The following CDH12 variants were observed in gnomAD, a reference collection of about 807,000 sequenced individuals.
CDH12 encodes cadherin-12.
A neutral mutation model predicts 74.1 loss-of-function variants in CDH12; 41 were observed. That is an observed-to-expected ratio of 0.55 (90% CI 0.43 to 0.72). The LOEUF is 0.72. Ranked by LOEUF, CDH12 falls within the 30% of genes least tolerant of loss-of-function variation. CDH12 has a pLI of 0.00. For missense variants in CDH12, 945 were observed against 977.2 expected (o/e 0.97, Z 0.44); for synonymous variants, 399 against 355.0 (o/e 1.12, Z -1.39).
rs912365915 is a variant in CDH12, at chr5:22,130,956, G to A, written c.-186-52094C>T. ...CATACATGTGCATTATTTTGTTTCT[G>A]TCTTCTTTATCTCAGCATCTTGTTT... On this transcript the variant is annotated intron_variant, in intron 4 of 14. Transcript: ENST00000382254. Among the ~76,000 whole-genome samples the A allele has an allele frequency of 9.2e-5, 14 of 151,724 alleles. 1 individual carries two copies. The highest frequency in any genetic ancestry group is 3.1e-4 in the African/African-American group (13 of 41,418).
chr5:22,704,273 G>A (rs930433970), intron 1 of CDH12, among the ~76,000 whole-genome samples: 1 of 152,128 alleles, frequency 6.6e-6, no homozygotes, highest in African/African-American at 2.4e-5. Flanking sequence ...GCTAAGATGT[G>A]TAGAGCAGTG....
intron 1 of CDH12, among the ~76,000 whole-genome samples, chr5:22,614,870 G>C (rs1027938239): frequency 1.3e-5 from 2 of 151,874 alleles, no homozygotes; most frequent in Non-Finnish European, 2.9e-5. Context: ...TCACACTGTC[G>C]TACTGTGACA....
intron 3 of CDH12, among the ~76,000 whole-genome samples, chr5:22,369,728 TAAATTTGAAGAGTA>T (rs1210359450): frequency 6.6e-6 from 1 of 152,210 alleles, no homozygotes; most frequent in Admixed American, 6.5e-5. Flanking sequence ...AGCAATTTGC[TAAATTTGAAGAGTA>T]AAATTTACAG....
intron 1 of CDH12, among the ~76,000 whole-genome samples, chr5:22,819,416 C>A (rs1749556112): frequency 6.6e-6 from 1 of 151,906 alleles, no homozygotes; most frequent in South Asian, 2.1e-4. Context: ...AGGCACCCTT[C>A]ATATATATTT....
chr5:22,146,140 G>A (rs1248738366), intron 4 of CDH12, among the ~76,000 whole-genome samples: 2 of 151,956 alleles, frequency 1.3e-5, no homozygotes, highest in South Asian at 4.1e-4. Context: ...AGTTAATGAG[G>A]TGTGTGAAAA....
chr5:22,192,941 A>AT (rs1460919922), intron 4 of CDH12, among the ~76,000 whole-genome samples: 1 of 152,224 alleles, frequency 6.6e-6, no homozygotes, highest in Non-Finnish European at 1.5e-5. Flanking sequence ...TGTACTTAAA[A>AT]GAGGTGCAGT....
chr5:22,633,499 A>G (rs1738684901), intron 1 of CDH12, among the ~76,000 whole-genome samples: 1 of 152,202 alleles, frequency 6.6e-6, no homozygotes, highest in African/African-American at 2.4e-5. Context: ...GAGTGTGTCT[A>G]TGAGGGTGCA....
intron 2 of CDH12, among the ~76,000 whole-genome samples, chr5:22,501,084 GA>G (rs981656558): frequency 8.3e-4 from 120 of 145,298 alleles, no homozygotes; most frequent in Non-Finnish European, 1.5e-3. Flanking sequence ...AAGGCAGAAA[GA>G]AAAAAAAAAG....
intron 3 of CDH12, among the ~76,000 whole-genome samples, chr5:22,297,289 G>C (rs1036545752): frequency 1.3e-5 from 2 of 152,066 alleles, no homozygotes; most frequent in Non-Finnish European, 2.9e-5. Flanking sequence ...CCAAAGTGCT[G>C]GGATAACAGG....
intron 6 of CDH12, among the ~76,000 whole-genome samples, chr5:21,880,671 C>CTTTCTTT (rs1561268799): frequency 2.7e-4 from 33 of 120,314 alleles, no homozygotes; most frequent in Non-Finnish European, 4.8e-4. Flanking sequence ...TTCTTTCTTT[C>CTTTCTTT]TTTCTTTCTT....
chr5:22,669,442 T>C (rs1275876302), intron 1 of CDH12, among the ~76,000 whole-genome samples: 1 of 152,138 alleles, frequency 6.6e-6, no homozygotes. Flanking sequence ...ATCCAATACA[T>C]ATTCTCCCCT....
Position 22,457,961 on chromosome 5 carries a change from T to A in CDH12, c.-428+47309A>T, listed in dbSNP as rs569744776. ...GGTTTCACCACCTTGGCCAGGCTGG[T>A]CTCGAACTCCTGACCTCATGATCCA... On this transcript the variant is annotated intron_variant, in intron 2 of 14. Transcript: ENST00000382254. Among the ~76,000 whole-genome samples the A allele has an allele frequency of 5.3e-5, 8 of 152,210 alleles. No homozygotes were observed. The East Asian group carries it at 1.5e-3, about 29-fold the overall frequency.
chr5:22,594,874 T>C lies in CDH12; in HGVS notation c.-522-89510A>G, dbSNP rs141270719. Among the ~76,000 whole-genome samples the C allele has an allele frequency of 2.4e-3, 358 of 152,322 alleles. 3 individuals are homozygous for C. Among genetic ancestry groups the C allele is most frequent in the African/African-American group, 8.2e-3 (340 of 41,572 alleles). On this transcript the variant is annotated intron_variant, in intron 1 of 14. Transcript: ENST00000382254. ...TTTCAGAAATTTAGTGCAAAATGTA[T>C]GCTTCTATTAGCCTTCCTTCAATTA...
intron 5 of CDH12, among the ~76,000 whole-genome samples, chr5:22,053,792 C>T (rs959594919): frequency 3.9e-5 from 6 of 152,200 alleles, no homozygotes; most frequent in African/African-American, 1.2e-4. Flanking sequence ...TCTTACCCTA[C>T]CTTTAACGGG....
At chr5:21,858,178 G>A (rs1395663608) in intron 6 of CDH12, among the ~76,000 whole-genome samples, 1 of 151,802 alleles carries the variant, frequency 6.6e-6, no homozygotes, top group Non-Finnish European at 1.5e-5. Flanking sequence ...ATTCAAGTCA[G>A]TTCATAACAT....
At chr5:22,626,140 C>G (rs1002870850) in intron 1 of CDH12, among the ~76,000 whole-genome samples, 1 of 152,042 alleles carries the variant, frequency 6.6e-6, no homozygotes, top group Non-Finnish European at 1.5e-5. Context: ...GGCACCCTAC[C>G]CCCCCCAACA....
At chr5:22,610,405 C>T (rs1180312703) in intron 1 of CDH12, among the ~76,000 whole-genome samples, 1 of 152,032 alleles carries the variant, frequency 6.6e-6, no homozygotes, top group Non-Finnish European at 1.5e-5. Context: ...ATAAAATATT[C>T]AATTAACATG....
chr5:22,315,461 T>C (rs1738592546), intron 3 of CDH12, among the ~76,000 whole-genome samples: 1 of 151,990 alleles, frequency 6.6e-6, no homozygotes. Flanking sequence ...CTTATATAGA[T>C]TGGAAGTGAA....
chr5:22,700,564 T>C (rs1316778449), intron 1 of CDH12, among the ~76,000 whole-genome samples: 1 of 152,222 alleles, frequency 6.6e-6, no homozygotes, highest in Non-Finnish European at 1.5e-5. Flanking sequence ...AAGTTTCTTA[T>C]CGCCTAAGCA....
Sources: allele counts gnomAD v4.1 joint callset (sites outside exome capture counted in the v4.1 genomes callset), GRCh38; gene constraint gnomAD v4.1.1; transcripts MANE v1.5; gene names NCBI Gene and HGNC (gene_info 2026-07-23, HGNC 2026-07-21).